The following SLC25A26 variants were observed in gnomAD, a reference collection of about 807,000 sequenced individuals.
SLC25A26 encodes mitochondrial S-adenosylmethionine carrier protein.
A neutral mutation model predicts 37.8 loss-of-function variants in SLC25A26; 36 were observed. The ratio of observed to expected loss-of-function variants is 0.95; its 90% CI spans 0.73 to 1.26. The LOEUF is 1.26. Ranked by LOEUF, SLC25A26 falls within the 50% of genes most tolerant of loss-of-function variation. The probability of loss-of-function intolerance (pLI) is 0.00; values close to 1 mark genes in which losing one functional copy is unlikely to be tolerated. For missense variants in SLC25A26, 390 were observed against 331.1 expected (o/e 1.18, Z -1.38); for synonymous variants, 129 against 122.5 (o/e 1.05, Z -0.35).
At chr3:66,209,351 A>C (rs2071241394) in intron 1 of SLC25A26, among the ~76,000 whole-genome samples, 1 of 140,166 alleles carries the variant, frequency 7.1e-6, no homozygotes, top group South Asian at 2.3e-4. Flanking sequence ...ACATATGTAT[A>C]TATATCTGTA....
intron 7 of SLC25A26, among the ~76,000 whole-genome samples, chr3:66,367,685 C>T (rs1024169430): frequency 8.6e-6 from 1 of 115,764 alleles, no homozygotes; most frequent in East Asian, 2.1e-4. Context: ...GATAGATAGA[C>T]AGACAGACAG....
chr3:66,324,685 A>G (rs1266794828), intron 5 of SLC25A26, among the ~76,000 whole-genome samples: 1 of 152,226 alleles, frequency 6.6e-6, no homozygotes, highest in Non-Finnish European at 1.5e-5. Flanking sequence ...AGGAATGAAC[A>G]AGGGCAGCTT....
chr3:66,236,646 T>G lies in SLC25A26; in HGVS notation c.136T>G (p.Phe46Val), dbSNP rs369882983. ...CCAAGGATTTAGTAAGGCTGGTGGTTTTCATGGAATATATGCTGGCGTTCC... is the reference window on the plus strand; with the variant it reads ...CCAAGGATTTAGTAAGGCTGGTGGTGTTCATGGAATATATGCTGGCGTTCC... ...SPQGFSKAGG[F>V]HGIYAGVPSA... is the part of the protein sequence containing the mutation. Residue 46 changes from phenylalanine to valine, a missense_variant, in exon 2 of 10, where the codon TTT becomes GTT. Transcript: ENST00000354883. 8 of 1,529,536 alleles carry G rather than the reference T, an allele frequency of 5.2e-6. No homozygotes were observed. The African/African-American group carries it at 1.1e-4, about 21-fold the overall frequency. 94.7% of individuals were successfully genotyped at this position (1,529,536 alleles called of 1,614,324 possible).
intron 1 of SLC25A26, among the ~76,000 whole-genome samples, chr3:66,149,665 C>G (rs2070171663): frequency 6.6e-6 from 1 of 152,122 alleles, no homozygotes; most frequent in Non-Finnish European, 1.5e-5. Flanking sequence ...ACAGAGAGGT[C>G]AAGTAATGAC....
chr3:66,280,012 A>G (rs980690900), intron 5 of SLC25A26, among the ~76,000 whole-genome samples: 1 of 152,198 alleles, frequency 6.6e-6, no homozygotes, highest in Non-Finnish European at 1.5e-5. Flanking sequence ...GCTATGTTTC[A>G]TGTTGACTAA....
chr3:66,288,651 T>C (rs887110375), intron 5 of SLC25A26, among the ~76,000 whole-genome samples: 4 of 152,202 alleles, frequency 2.6e-5, no homozygotes, highest in Admixed American at 6.5e-5. Context: ...GCAAAGGACA[T>C]GAACTCATCC....
intron 5 of SLC25A26, among the ~76,000 whole-genome samples, chr3:66,277,395 A>T (rs748189448): frequency 2.0e-5 from 3 of 152,178 alleles, no homozygotes; most frequent in African/African-American, 7.2e-5. Context: ...AGTAAAATTC[A>T]TAGAAGCAGA....
At position 66,264,221 on chromosome 3, in the gene SLC25A26, A is replaced by G. The variant is rs62246872; in HGVS notation, c.453+842A>G. Among the ~76,000 whole-genome samples, 408 of 152,138 alleles carry G rather than the reference A, an allele frequency of 2.7e-3. 1 individual carries two copies. The highest frequency in any genetic ancestry group is 4.2e-3 in the Non-Finnish European group (287 of 67,988). ...TGGGAGGTGGAGGTTGCAGTGAGCC[A>G]AGATCGTGCCACTGGATTCCAGCCT... On this transcript the variant is annotated intron_variant, in intron 5 of 9. Coordinates refer to ENST00000354883, the MANE Select transcript of SLC25A26 (RefSeq NM_001379210.1).
intron 5 of SLC25A26, among the ~76,000 whole-genome samples, chr3:66,317,496 C>G (rs898726122): frequency 6.6e-6 from 1 of 152,178 alleles, no homozygotes; most frequent in African/African-American, 2.4e-5. Context: ...TCTGGGAGCT[C>G]TGTCCCAGAG....
chr3:66,276,408 A>T (rs145294421), intron 5 of SLC25A26, among the ~76,000 whole-genome samples: 1 of 152,130 alleles, frequency 6.6e-6, no homozygotes, highest in Non-Finnish European at 1.5e-5. Flanking sequence ...TAAGAAAATA[A>T]TGTGATGGGG....
chr3:66,305,105 C>G (rs1202941699), intron 5 of SLC25A26, among the ~76,000 whole-genome samples: 1 of 152,164 alleles, frequency 6.6e-6, no homozygotes, highest in East Asian at 1.9e-4. Flanking sequence ...TGATCTCCAT[C>G]CCATTCCCCT....
intron 5 of SLC25A26, among the ~76,000 whole-genome samples, chr3:66,314,088 T>G (rs1183541419): frequency 6.6e-6 from 1 of 152,224 alleles, no homozygotes; most frequent in African/African-American, 2.4e-5. Flanking sequence ...TGACTTCCTC[T>G]CTTCTTGTTT....
intron 1 of SLC25A26, among the ~76,000 whole-genome samples, chr3:66,175,140 T>TATATATATATACACAC (rs1413714739): frequency 9.0e-5 from 6 of 67,004 alleles, no homozygotes; most frequent in African/African-American, 3.8e-4. Flanking sequence ...TATATATATA[T>TATATATATATACACAC]ACACACACAC....
chr3:66,263,756 T>A (rs2073629605), intron 5 of SLC25A26, among the ~76,000 whole-genome samples: 1 of 152,072 alleles, frequency 6.6e-6, no homozygotes, highest in Non-Finnish European at 1.5e-5. Flanking sequence ...CCTCCCAGGT[T>A]CACGCCATTC....
At chr3:66,290,290 T>G (rs2074660909) in intron 5 of SLC25A26, among the ~76,000 whole-genome samples, 1 of 152,110 alleles carries the variant, frequency 6.6e-6, no homozygotes, top group Non-Finnish European at 1.5e-5. Context: ...TCTCTTCCTA[T>G]TTGAATACCG....
At chr3:66,166,983 G>A (rs1011958934) in intron 1 of SLC25A26, among the ~76,000 whole-genome samples, 8 of 151,856 alleles carry the variant, frequency 5.3e-5, no homozygotes, top group African/African-American at 1.9e-4. Flanking sequence ...GTTTTATAAA[G>A]GTGAGTTTCC....
intron 5 of SLC25A26, among the ~76,000 whole-genome samples, chr3:66,306,607 T>C (rs2075230016): frequency 6.6e-6 from 1 of 152,086 alleles, no homozygotes; most frequent in Non-Finnish European, 1.5e-5. Flanking sequence ...GTCATCTAGA[T>C]TTTAAGCCCC....
chr3:66,291,605 T>A (rs1370781524), intron 5 of SLC25A26, among the ~76,000 whole-genome samples: 1 of 152,216 alleles, frequency 6.6e-6, no homozygotes, highest in African/African-American at 2.4e-5. Flanking sequence ...TCCATGTAGT[T>A]GTGCGGTTTT....
At chr3:66,212,245 G>A (rs1403178752) in intron 1 of SLC25A26, among the ~76,000 whole-genome samples, 1 of 151,994 alleles carries the variant, frequency 6.6e-6, no homozygotes, top group Non-Finnish European at 1.5e-5. Context: ...CTGAGGAGCT[G>A]GGACTACAGG....
Sources: allele counts gnomAD v4.1 joint callset (sites outside exome capture counted in the v4.1 genomes callset), GRCh38; gene constraint gnomAD v4.1.1; transcripts MANE v1.5; gene names NCBI Gene and HGNC (gene_info 2026-07-23, HGNC 2026-07-21).